Variants in EIF2S1 observed in about 807,000 individuals in gnomAD.
The protein encoded by EIF2S1 is eukaryotic translation initiation factor 2 subunit alpha, also known as eukaryotic translation initiation factor 2 subunit 1.
Under a neutral mutation model 33.5 loss-of-function variants are expected in EIF2S1, and 5 were observed. The observed-to-expected ratio is 0.15, with a 90% CI of 0.08 to 0.31. EIF2S1 has a LOEUF of 0.31. EIF2S1 is among the 10% of genes least tolerant of loss of function. The probability of loss-of-function intolerance (pLI) is 1.00; values close to 1 mark genes in which losing one functional copy is unlikely to be tolerated. For synonymous variants in EIF2S1, 99 were observed against 127.5 expected, an observed-to-expected ratio of 0.78 and a Z score of 1.51; for missense variants, 191 against 384.6, an observed-to-expected ratio of 0.50 and a Z score of 4.21.
chr14:67,381,063 A>C (rs2085885460), intron 5 of EIF2S1, among the ~76,000 whole-genome samples: 1 of 152,204 alleles, frequency 6.6e-6, no homozygotes, highest in South Asian at 2.1e-4. Flanking sequence ...AAATTTTTAC[A>C]AAGATGAGAC....
At position 67,384,936 on chromosome 14, in the gene EIF2S1, A is replaced by G. The variant is rs963255658; in HGVS notation, c.*1496A>G. ...GCTGGCAACATGAAGAATGCATTCA[A>G]AATATAACAGGTGCTTCTTTGTTGT... On this transcript the variant is annotated 3_prime_UTR_variant, in exon 8 of 8. Transcript: ENST00000256383. 6 of 152,244 alleles carry G rather than the reference A, an allele frequency of 3.9e-5. No individual in the cohort carries two copies. Among genetic ancestry groups the G allele is most frequent in the Non-Finnish European group, 5.9e-5 (4 of 68,038 alleles). 9.4% of individuals were successfully genotyped at this position (152,244 alleles called of 1,614,324 possible). A position where few individuals can be genotyped will look rare whatever the true frequency, so the allele number is the denominator to read the frequency against.
chr14:67,376,770 T>C (rs968196093), intron 4 of EIF2S1, among the ~76,000 whole-genome samples, 180 bp downstream of exon 4: 2 of 152,250 alleles, frequency 1.3e-5, no homozygotes, highest in East Asian at 1.9e-4. Flanking sequence ...ATCATAGTTA[T>C]GTAGATTCAT....
In EIF2S1 at chr14:67,383,451, A is replaced by C. The variant is rs886186422; in HGVS notation, c.*11A>C. ...AAAGCTGAAGATTAACTTTGTGGGA[A>C]ACAGAGTCCAATTTAAGGAACACAG... On this transcript the variant is annotated 3_prime_UTR_variant, in exon 8 of 8. Transcript: ENST00000256383. 3.1e-6 allele frequency: 5 copies of C among 1,611,996 alleles called. No individual in the cohort carries two copies. In the African/African-American group the frequency reaches 6.7e-5, roughly 22 times the overall value.
In EIF2S1 at chr14:67,386,296, A is replaced by AAT. The variant is rs1188919149; in HGVS notation, c.*2857_*2858dup. ...CTTGTGATTTCTCATTATTCAGGTC[A>AAT]ATGTTTTAGACACGACTAACAAGGG... On this transcript the variant is annotated 3_prime_UTR_variant, in exon 8 of 8. Coordinates refer to ENST00000256383, the MANE Select transcript of EIF2S1 (RefSeq NM_004094.5). 1 of 152,636 alleles carries AAT rather than the reference A, an allele frequency of 6.6e-6. No individual in the cohort carries two copies. Among genetic ancestry groups the AAT allele is most frequent in the Non-Finnish European group, 1.5e-5 (1 of 68,038 alleles). The allele number at this position is 152,636 out of a possible 1,614,324, so 9.5% of individuals were successfully genotyped here. A position where few individuals can be genotyped will look rare whatever the true frequency, so the allele number is the denominator to read the frequency against.
At chr14:67,372,958 G>A (rs1289559599) in intron 2 of EIF2S1, among the ~76,000 whole-genome samples, 2 of 152,132 alleles carry the variant, frequency 1.3e-5, no homozygotes, top group Non-Finnish European at 2.9e-5. Context: ...AAAAGATGTT[G>A]AACATCATTA....
At position 67,382,908 on chromosome 14, in the gene EIF2S1, CGT is replaced by C. The variant is rs58119639; in HGVS notation, c.822+337_822+338del. Among the ~76,000 whole-genome samples, 1,429 of 143,916 alleles carry C rather than the reference CGT, an allele frequency of 9.9e-3. 8 individuals are homozygous for C. Among genetic ancestry groups the C allele is most frequent in the South Asian group, 0.026 (119 of 4,654 alleles). The allele number at this position is 143,916 out of a possible 152,430, so 94.4% of individuals were successfully genotyped here. ...AGAAGTGTGTGTACGTGCGTGCGTGCGTGTGTGTGTGTGTGTGTGTTATGGTT... is the reference window on the plus strand; with the variant it reads ...AGAAGTGTGTGTACGTGCGTGCGTGCGTGTGTGTGTGTGTGTGTTATGGTT... On this transcript the variant is annotated intron_variant, in intron 7 of 7. Coordinates refer to ENST00000256383, the MANE Select transcript of EIF2S1 (RefSeq NM_004094.5).
intron 3 of EIF2S1, among the ~76,000 whole-genome samples, chr14:67,375,381 G>A (rs866832673): frequency 1.8e-4 from 27 of 151,988 alleles, no homozygotes; most frequent in African/African-American, 5.1e-4. Flanking sequence ...TCTGCCTCCC[G>A]GAATGTTTGA....
intron 1 of EIF2S1, 94 bp downstream of exon 1, chr14:67,360,550 C>T (rs890915955): frequency 4.4e-5 from 10 of 226,050 alleles, no homozygotes; most frequent in Non-Finnish European, 7.7e-5. Flanking sequence ...CGGGCTAATA[C>T]CTCCCTTTCC....
chr14:67,377,614 A>C (rs1272993126), intron 4 of EIF2S1, among the ~76,000 whole-genome samples: 1 of 152,156 alleles, frequency 6.6e-6, no homozygotes, highest in Non-Finnish European at 1.5e-5. Flanking sequence ...AATTGCTCTC[A>C]AACTAGTCTT....
intron 2 of EIF2S1, among the ~76,000 whole-genome samples, chr14:67,372,636 C>T (rs1268326201): frequency 6.6e-6 from 1 of 152,094 alleles, no homozygotes; most frequent in Non-Finnish European, 1.5e-5. Context: ...TGAGACTATC[C>T]TGGCCAACAT....
rs902766340 is a variant in EIF2S1 at position 67,384,708 on chromosome 14, G to T, written c.*1268G>T. 9 of 152,148 alleles carry T rather than the reference G, an allele frequency of 5.9e-5. No homozygotes were observed. The highest frequency in any genetic ancestry group is 1.7e-4 in the African/African-American group (7 of 41,436). 9.4% of individuals were successfully genotyped at this position (152,148 alleles called of 1,614,324 possible). ...TAGTTTGTACCATTTATGAAGGTTTGTTCCTTTGTTAAATTTAGCAGCCTG... is the reference window on the plus strand; with the variant it reads ...TAGTTTGTACCATTTATGAAGGTTTTTTCCTTTGTTAAATTTAGCAGCCTG... On this transcript the variant is annotated 3_prime_UTR_variant, in exon 8 of 8. Transcript: ENST00000256383.
At chr14:67,376,801 C>T in intron 4 of EIF2S1, among the ~76,000 whole-genome samples, 1 of 152,218 alleles carries the variant, frequency 6.6e-6, no homozygotes, top group East Asian at 1.9e-4. Context: ...GTTTATCTCA[C>T]ACATTTTCCT....
In EIF2S1 at chr14:67,381,002, T is replaced by A. The variant is rs557238497; in HGVS notation, c.580+237T>A. Among the ~76,000 whole-genome samples the A allele has an allele frequency of 2.6e-3, 399 of 152,274 alleles. 5 individuals are homozygous for A. The highest frequency in any genetic ancestry group is 7.9e-3 in the African/African-American group (329 of 41,566). ...GCTAACCTAAAGGTAGCCCTTTTTT[T>A]AAAAAGAGGGGTTTGATTGTTTTGT... On this transcript the variant is annotated intron_variant, in intron 5 of 7. Transcript: ENST00000256383.
intron 2 of EIF2S1, among the ~76,000 whole-genome samples, chr14:67,367,181 G>T (rs1255923755): frequency 6.6e-6 from 1 of 152,234 alleles, no homozygotes; most frequent in South Asian, 2.1e-4. Flanking sequence ...TGGGGAGACA[G>T]AGCTTATAGT....
intron 6 of EIF2S1, among the ~76,000 whole-genome samples, chr14:67,382,178 G>T (rs776830475): frequency 6.6e-6 from 1 of 151,812 alleles, no homozygotes; most frequent in Non-Finnish European, 1.5e-5. Flanking sequence ...AAAGATACAC[G>T]GAAATGATAA....
chr14:67,382,282 A>T, intron 6 of EIF2S1, 165 bp from the exon 7 acceptor site: 2 of 492,884 alleles, frequency 4.1e-6, no homozygotes, highest in Non-Finnish European at 3.5e-6. Flanking sequence ...TCACCCCAAA[A>T]CGTAATTGCC....
intron 2 of EIF2S1, among the ~76,000 whole-genome samples, chr14:67,373,283 A>G (rs1595647224): frequency 1.3e-5 from 2 of 152,200 alleles, no homozygotes; most frequent in Admixed American, 1.3e-4. Flanking sequence ...TTTTAAACAC[A>G]AAGAACTTAA....
chr14:67,379,417 A>G (rs1311076493), intron 4 of EIF2S1, among the ~76,000 whole-genome samples: 1 of 152,046 alleles, frequency 6.6e-6, no homozygotes, highest in Non-Finnish European at 1.5e-5. Context: ...TTTCTTAACC[A>G]TTTGTATTTC....
At chr14:67,377,070 A>G (rs1338677872) in intron 4 of EIF2S1, among the ~76,000 whole-genome samples, 2 of 152,072 alleles carry the variant, frequency 1.3e-5, no homozygotes, top group Non-Finnish European at 2.9e-5. Flanking sequence ...ATTATTTGTC[A>G]TCTTAATTCT....
Sources: gnomAD v4.1 joint callset for allele counts (sites outside exome capture counted in the v4.1 genomes callset) on GRCh38, gnomAD v4.1.1 for gene constraint, MANE v1.5 for transcripts, NCBI Gene and HGNC (gene_info 2026-07-23, HGNC 2026-07-21) for gene names.